TNIK: variants seen among roughly 807,000 people sequenced by gnomAD.
TNIK encodes the protein TRAF2 and NCK interacting kinase, also known as TRAF2 and NCK-interacting protein kinase.
A neutral mutation model predicts 191.3 loss-of-function variants in TNIK; 49 were observed. The ratio of observed to expected loss-of-function variants is 0.26; its 90% CI spans 0.20 to 0.32. The LOEUF is 0.32. TNIK is among the 10% of genes least tolerant of loss of function. The probability of loss-of-function intolerance (pLI) is 1.00; values close to 1 mark genes in which losing one functional copy is unlikely to be tolerated. For missense variants in TNIK, 1,155 were observed against 1,702.3 expected, an observed-to-expected ratio of 0.68 and a Z score of 5.66; for synonymous variants, 594 against 600.9, an observed-to-expected ratio of 0.99 and a Z score of 0.17.
chr3:171,350,329 A>C lies in TNIK; in HGVS notation c.123+19291T>G, dbSNP rs189231343. On this transcript the variant is annotated intron_variant, in intron 2 of 32. Transcript: ENST00000436636. ...AGCCAATCCGTATTTGTTGAATCTG[A>C]ATCTAGATTAGGAACCAGGCTGTTT... is the stretch of plus-strand genomic sequence containing the variant. Among the ~76,000 whole-genome samples, 286 of 152,242 alleles carry C rather than the reference A, an allele frequency of 1.9e-3. 1 individual carries two copies. Among genetic ancestry groups the C allele is most frequent in the African/African-American group, 6.6e-3 (276 of 41,534 alleles).
At chr3:171,113,227 A>AT (rs942083241) in intron 18 of TNIK, among the ~76,000 whole-genome samples, 49 of 151,558 alleles carry the variant, frequency 3.2e-4, no homozygotes, top group East Asian at 2.7e-3. Context: ...GAGTCTTTGT[A>AT]TTTTTTTTTA....
At chr3:171,152,543 G>A (rs1732582868) in intron 12 of TNIK, among the ~76,000 whole-genome samples, 1 of 152,082 alleles carries the variant, frequency 6.6e-6, no homozygotes. Context: ...AACAAGCTTT[G>A]CTACTGATCT....
chr3:171,060,782 G>A lies in TNIK; in HGVS notation c.*3099C>T, dbSNP rs1717745437. Reference sequence around the variant, plus strand: ...CAGGAATCCATGCTACAGTATCTTTGACTGGCACCCAGGAATGATGGTCAC... The same window carrying A: ...CAGGAATCCATGCTACAGTATCTTTAACTGGCACCCAGGAATGATGGTCAC... On this transcript the variant is annotated 3_prime_UTR_variant, in exon 33 of 33. Transcript: ENST00000436636. 6.6e-6 allele frequency among the ~76,000 whole-genome samples: 1 copy of A among 151,978 alleles called. No homozygotes were observed. Among genetic ancestry groups the A allele is most frequent in the East Asian group, 1.9e-4 (1 of 5,178 alleles).
chr3:171,446,407 T>G (rs1727497082), intron 1 of TNIK, among the ~76,000 whole-genome samples: 1 of 152,186 alleles, frequency 6.6e-6, no homozygotes, highest in Non-Finnish European at 1.5e-5. Flanking sequence ...TGAAACCATA[T>G]TCATGTGAAG....
intron 12 of TNIK, among the ~76,000 whole-genome samples, chr3:171,148,888 G>A (rs750458548): frequency 6.6e-6 from 1 of 152,072 alleles, no homozygotes; most frequent in Non-Finnish European, 1.5e-5. Context: ...TCAAGCCCAC[G>A]GACATACAAG....
intron 2 of TNIK, among the ~76,000 whole-genome samples, chr3:171,354,315 G>A (rs572810372): frequency 3.8e-4 from 58 of 152,248 alleles, no homozygotes; most frequent in African/African-American, 1.3e-3. Flanking sequence ...CACCAGCCAC[G>A]GAGAAGTAGT....
chr3:171,306,178 G>C (rs1753429694), intron 2 of TNIK, among the ~76,000 whole-genome samples: 1 of 152,004 alleles, frequency 6.6e-6, no homozygotes, highest in Admixed American at 6.6e-5. Context: ...CACATAGATG[G>C]AAAGAGGGGA....
chr3:171,072,304 A>G (rs553163497), intron 28 of TNIK, among the ~76,000 whole-genome samples: 23 of 152,296 alleles, frequency 1.5e-4, no homozygotes, highest in African/African-American at 5.5e-4. Context: ...TACTTAAATG[A>G]CATTAAGTTT....
intron 2 of TNIK, among the ~76,000 whole-genome samples, chr3:171,298,728 CA>C (rs1364467183): frequency 6.6e-6 from 1 of 152,156 alleles, no homozygotes; most frequent in Non-Finnish European, 1.5e-5. Flanking sequence ...GTACAATAAA[CA>C]AAATACAAAC....
At position 171,107,592 on chromosome 3, in the gene TNIK, C is replaced by T. The variant is rs555309794; in HGVS notation, c.2383-386G>A. Among the ~76,000 whole-genome samples the T allele has an allele frequency of 8.5e-5, 13 of 152,240 alleles. No individual in the cohort carries two copies. The East Asian group carries it at 1.9e-3, about 23-fold the overall frequency. On this transcript the variant is annotated intron_variant, in intron 20 of 32. Coordinates refer to ENST00000436636, the MANE Select transcript of TNIK (RefSeq NM_015028.4). The stretch of plus-strand genomic sequence containing the variant: ...AGTGAAGCTGGATGCTAAGTTGTTA[C>T]GACGCCTGTTGGACCCTGCTTAAAA...
chr3:171,277,897 C>T (rs1263112510), intron 2 of TNIK, among the ~76,000 whole-genome samples: 1 of 152,206 alleles, frequency 6.6e-6, no homozygotes, highest in Non-Finnish European at 1.5e-5. Flanking sequence ...AGATGCAGTG[C>T]TGTGCACCTG....
chr3:171,197,790 C>T (rs1454561335), intron 4 of TNIK, among the ~76,000 whole-genome samples: 2 of 152,300 alleles, frequency 1.3e-5, no homozygotes, highest in African/African-American at 2.4e-5. Context: ...TGTGGGGAAA[C>T]TGGAACCTCT....
chr3:171,389,756 A>C (rs1299630469), intron 1 of TNIK, among the ~76,000 whole-genome samples: 1 of 152,192 alleles, frequency 6.6e-6, no homozygotes, highest in Non-Finnish European at 1.5e-5. Flanking sequence ...ACCAGCATGT[A>C]CTTAGGGGAT....
intron 11 of TNIK, among the ~76,000 whole-genome samples, chr3:171,160,881 G>A (rs752406866): frequency 1.3e-5 from 2 of 152,160 alleles, no homozygotes; most frequent in Non-Finnish European, 2.9e-5. Flanking sequence ...GCTTCTCAAA[G>A]GTGTGAAGTA....
chr3:171,265,127 G>A (rs181710561), intron 2 of TNIK, among the ~76,000 whole-genome samples: 9 of 152,324 alleles, frequency 5.9e-5, no homozygotes, highest in Admixed American at 5.9e-4. Context: ...GAATGTGAAA[G>A]TGAACCCGGG....
chr3:171,420,754 G>A (rs575278652), intron 1 of TNIK, among the ~76,000 whole-genome samples: 1 of 152,226 alleles, frequency 6.6e-6, no homozygotes, highest in East Asian at 1.9e-4. Context: ...TAAAATAAGG[G>A]TTACTCGAAC....
intron 2 of TNIK, among the ~76,000 whole-genome samples, chr3:171,229,633 T>C (rs1249866997): frequency 6.6e-6 from 1 of 152,196 alleles, no homozygotes; most frequent in Non-Finnish European, 1.5e-5. Flanking sequence ...AACCTAATTT[T>C]CCCCACTCCT....
chr3:171,272,442 C>T lies in TNIK; in HGVS notation c.124-44221G>A, dbSNP rs371707796. ...TTTCCTAAGATGGCACCGTACACAT[C>T]GAGACAGTTGGGGAGCCATGAAGGA... is the stretch of plus-strand genomic sequence containing the variant. On this transcript the variant is annotated intron_variant, in intron 2 of 32. Transcript: ENST00000436636. 7.2e-4 allele frequency among the ~76,000 whole-genome samples: 110 copies of T among 152,328 alleles called. 1 individual carries two copies. In the South Asian group the frequency reaches 0.021, roughly 29 times the overall value.
At chr3:171,253,062 G>A (rs1746420916) in intron 2 of TNIK, among the ~76,000 whole-genome samples, 1 of 151,758 alleles carries the variant, frequency 6.6e-6, no homozygotes, top group South Asian at 2.1e-4. Context: ...GGATCACGAG[G>A]TCAGGAGTTC....
Sources: gnomAD v4.1 joint callset for allele counts (sites outside exome capture counted in the v4.1 genomes callset) on GRCh38, gnomAD v4.1.1 for gene constraint, MANE v1.5 for transcripts, NCBI Gene and HGNC (gene_info 2026-07-23, HGNC 2026-07-21) for gene names.